ZFP14: variants seen among roughly 807,000 people sequenced by gnomAD.
ZFP14 encodes ZFP14 zinc finger protein, also known as zinc finger protein 14 homolog.
In ZFP14, 22 loss-of-function variants were observed where a neutral mutation model predicts 54.5. That is an observed-to-expected ratio of 0.40 (90% CI 0.29 to 0.58). The LOEUF is 0.58. Among genes scored for constraint, ZFP14 ranks in the 20% least tolerant of loss-of-function variants. ZFP14 has a pLI of 0.39. For synonymous variants in ZFP14, 159 were observed against 204.0 expected (o/e 0.78, Z 1.88); for missense variants, 470 against 637.8 (o/e 0.74, Z 2.83).
chr19:36,372,835 A>C (rs2031900281), intron 1 of ZFP14, among the ~76,000 whole-genome samples: 1 of 152,242 alleles, frequency 6.6e-6, no homozygotes, highest in South Asian at 2.1e-4. Flanking sequence ...CTATGTAAAT[A>C]AAATGTAATA....
intron 4 of ZFP14, among the ~76,000 whole-genome samples, chr19:36,355,788 C>T (rs1478210508): frequency 7.0e-6 from 1 of 142,768 alleles, no homozygotes; most frequent in African/African-American, 2.6e-5. Flanking sequence ...GGAAGAGAGA[C>T]TTCACCAGAA....
At chr19:36,343,999 C>T (rs1314135331) in intron 4 of ZFP14, among the ~76,000 whole-genome samples, 1 of 152,038 alleles carries the variant, frequency 6.6e-6, no homozygotes, top group Non-Finnish European at 1.5e-5. Flanking sequence ...TCTTAGCACA[C>T]TCTTTCTCTT....
chr19:36,378,992 G>T (rs1195717752), intron 1 of ZFP14, among the ~76,000 whole-genome samples, 171 bp downstream of exon 1: 1 of 152,164 alleles, frequency 6.6e-6, no homozygotes, highest in Non-Finnish European at 1.5e-5. Context: ...GCCATTCCGG[G>T]CCGCTGGACC....
intron 2 of ZFP14, among the ~76,000 whole-genome samples, chr19:36,363,097 G>GT (rs992293372): frequency 3.4e-5 from 5 of 146,812 alleles, no homozygotes; most frequent in South Asian, 2.1e-4. Context: ...CTTGAACATT[G>GT]TTTTTTTGTT....
At chr19:36,342,030 A>G (rs2145539796) in intron 4 of ZFP14, among the ~76,000 whole-genome samples, 1 of 147,296 alleles carries the variant, frequency 6.8e-6, no homozygotes, top group African/African-American at 2.5e-5. Context: ...TTTTTTTTGT[A>G]TTTTTTAGTA....
chr19:36,341,106 G>C lies in ZFP14; in HGVS notation c.720C>G (p.Leu240=). 1 of 1,613,580 alleles carries C rather than the reference G, an allele frequency of 6.2e-7. No homozygotes were observed. ...CKECGKAFTV[L]QELTQHQRLH... is the part of the protein sequence containing the mutation. ...GTCTCTGATGTTGAGTAAGTTCTTG[G>C]AGCACTGTAAAGGCCTTCCCACACT... The change falls in exon 5 of 5, where the codon CTC becomes CTG. Residue 240 remains leucine, a synonymous_variant. Transcript: ENST00000270001. This position sits in a 1 kb window ranked among gnomAD's most constrained non-coding sequence, Gnocchi z 4.2.
intron 4 of ZFP14, among the ~76,000 whole-genome samples, chr19:36,342,643 A>G (rs1320435685): frequency 6.6e-6 from 1 of 152,200 alleles, no homozygotes. Context: ...TGTACATGAA[A>G]ATAAAGCCCA....
intron 4 of ZFP14, among the ~76,000 whole-genome samples, chr19:36,359,367 T>A (rs1303691079): frequency 1.3e-5 from 2 of 152,208 alleles, no homozygotes; most frequent in African/African-American, 4.8e-5. Context: ...TATGTTGGCC[T>A]CATAAAATGC....
intron 1 of ZFP14, among the ~76,000 whole-genome samples, chr19:36,368,970 AGTACAG>A (rs2145561586): frequency 1.3e-5 from 2 of 151,590 alleles, no homozygotes; most frequent in South Asian, 4.2e-4. Context: ...CAGCCTCCTG[AGTACAG>A]GTACATGCCA....
chr19:36,344,154 C>G (rs1415835620), intron 4 of ZFP14, among the ~76,000 whole-genome samples: 1 of 152,138 alleles, frequency 6.6e-6, no homozygotes, highest in African/African-American at 2.4e-5. Context: ...AGGCACCCAC[C>G]ACCAGGCTCG....
Position 36,366,522 on chromosome 19 carries a change from G to T in ZFP14, c.9+1362C>A, listed in dbSNP as rs141954369. The stretch of plus-strand genomic sequence containing the variant: ...TGTAGAGACACGGTTTTGCCTTGTT[G>T]CCCGGGATGGTCTGGAACTCCTGAG... On this transcript the variant is annotated intron_variant, in intron 2 of 4. Transcript: ENST00000270001. Among the ~76,000 whole-genome samples the T allele has an allele frequency of 2.0e-3, 311 of 152,108 alleles. 3 individuals carry two copies. The highest frequency in any genetic ancestry group is 6.7e-3 in the African/African-American group (277 of 41,520).
chr19:36,371,078 C>T (rs556343128), intron 1 of ZFP14, among the ~76,000 whole-genome samples: 3 of 152,098 alleles, frequency 2.0e-5, no homozygotes, highest in East Asian at 1.9e-4. Context: ...CTGGCTAACA[C>T]GGTGAAACCC....
chr19:36,372,808 T>C (rs1222186512), intron 1 of ZFP14, among the ~76,000 whole-genome samples: 3 of 152,224 alleles, frequency 2.0e-5, no homozygotes, highest in Non-Finnish European at 4.4e-5. Flanking sequence ...AATGGATGAA[T>C]GGACAAAGAA....
rs537033253 is a variant in ZFP14, at chr19:36,367,458, T to G, written c.9+426A>C. On this transcript the variant is annotated intron_variant, in intron 2 of 4. Coordinates refer to ENST00000270001, the MANE Select transcript of ZFP14 (RefSeq NM_020917.3). ...GATACTGGGCTATCTGTCCCAATCCTCACAGGAGGGAAAAGAACTGGAGTA... is the reference window on the plus strand; with the variant it reads ...GATACTGGGCTATCTGTCCCAATCCGCACAGGAGGGAAAAGAACTGGAGTA... Among the ~76,000 whole-genome samples the G allele has an allele frequency of 5.9e-5, 9 of 152,002 alleles. No homozygotes were observed. In the East Asian group the frequency reaches 1.7e-3, roughly 29 times the overall value.
chr19:36,361,966 T>C (rs1165666098), intron 3 of ZFP14, 146 bp downstream of exon 3: 1 of 836,204 alleles, frequency 1.2e-6, no homozygotes, highest in African/African-American at 1.8e-5. Context: ...AGACTGGACA[T>C]GATGAAATGG....
At chr19:36,367,806 T>A in intron 2 of ZFP14, 78 bp downstream of exon 2, 1 of 1,521,386 alleles carries the variant, frequency 6.6e-7, no homozygotes, top group East Asian at 2.3e-5. Flanking sequence ...GCAGGAAGTT[T>A]CAGAATAAAG....
chr19:36,369,124 G>A (rs901426145), intron 1 of ZFP14, among the ~76,000 whole-genome samples: 1 of 152,104 alleles, frequency 6.6e-6, no homozygotes, highest in African/African-American at 2.4e-5. Context: ...TTACAGGCGT[G>A]AGCCACCGTG....
chr19:36,368,904 C>G (rs1279861157), intron 1 of ZFP14, among the ~76,000 whole-genome samples: 1 of 152,170 alleles, frequency 6.6e-6, no homozygotes, highest in East Asian at 1.9e-4. Context: ...AGTGCAATGG[C>G]ACGATCTCAG....
Position 36,341,539 on chromosome 19 carries a change from T to G in ZFP14, c.287A>C (p.Tyr96Ser). ...TNTLSPEKDI[Y>S]EIYSFQWDIM... ...ATCCCACTGAAATGAATATATTTCA[T>G]AAATGTCCTTTTCTGGAGATAAAGT... The change falls in exon 5 of 5, where the codon TAT becomes TCT. Residue 96 changes from tyrosine to serine, a missense_variant. Coordinates refer to ENST00000270001, the MANE Select transcript of ZFP14 (RefSeq NM_020917.3). This position sits in a 1 kb window ranked among gnomAD's most constrained non-coding sequence, Gnocchi z 4.2. 6.2e-7 allele frequency: 1 copy of G among 1,601,000 alleles called. No individual in the cohort carries two copies. The highest frequency in any genetic ancestry group is 8.5e-7 in the Non-Finnish European group (1 of 1,176,164).
Sources: allele counts gnomAD v4.1 joint callset (sites outside exome capture counted in the v4.1 genomes callset), GRCh38; gene constraint gnomAD v4.1.1; non-coding constraint Gnocchi (gnomAD v3.1); transcripts MANE v1.5; gene names NCBI Gene and HGNC (gene_info 2026-07-23, HGNC 2026-07-21).